Variants in UXS1 observed in about 807,000 individuals in gnomAD.
UXS1 encodes UDP-glucuronate decarboxylase 1.
Under a neutral mutation model 62.6 loss-of-function variants are expected in UXS1, and 33 were observed. The ratio of observed to expected loss-of-function variants is 0.53; its 90% CI spans 0.40 to 0.70. The LOEUF (loss-of-function observed/expected upper bound fraction) is 0.70. Ranked by LOEUF, UXS1 falls within the 30% of genes least tolerant of loss-of-function variation. UXS1 has a pLI of 0.00. For missense variants in UXS1, 434 were observed against 556.3 expected (o/e 0.78, Z 2.21); for synonymous variants, 213 against 206.8 (o/e 1.03, Z -0.26).
At chr2:106,108,241 T>C (rs1455296826) in intron 10 of UXS1, among the ~76,000 whole-genome samples, 4 of 152,264 alleles carry the variant, frequency 2.6e-5, no homozygotes, top group Non-Finnish European at 5.9e-5. Context: ...TTGTAATTCA[T>C]GTGTGAAATA....
Position 106,096,603 on chromosome 2 carries a change from C to T in UXS1, c.1146+115G>A, listed in dbSNP as rs957204505. On this transcript the variant is annotated intron_variant, in intron 14 of 14. Transcript: ENST00000283148. ...GAAAACCCTCTATCTGCCTGGATGC[C>T]GAGCCCACCTTGCTCCTCCGGGGGC... 1.2e-4 allele frequency: 102 copies of T among 848,014 alleles called. 1 individual carries two copies. The highest frequency in any genetic ancestry group is 1.2e-4 in the Non-Finnish European group (66 of 565,734). The allele number at this position is 848,014 out of a possible 1,614,324, so 52.5% of individuals were successfully genotyped here.
chr2:106,187,969 C>T (rs553562004), intron 1 of UXS1, among the ~76,000 whole-genome samples: 2 of 152,116 alleles, frequency 1.3e-5, no homozygotes, highest in African/African-American at 2.4e-5. Context: ...CTCAAACTCC[C>T]GATCTCAGGT....
rs760281542 is a variant in UXS1 at position 106,094,362 on chromosome 2, G to A, written c.1147-205C>T. Among the ~76,000 whole-genome samples, 10 of 151,952 alleles carry A rather than the reference G, an allele frequency of 6.6e-5. No homozygotes were observed. In the East Asian group the frequency reaches 7.7e-4, roughly 12 times the overall value. Reference sequence around the variant, plus strand: ...GAGAAGCCAGAAGTCCTTCAGGGCCGCTTTCAGAATGTACTGTGGAGCTGA... The same window carrying A: ...GAGAAGCCAGAAGTCCTTCAGGGCCACTTTCAGAATGTACTGTGGAGCTGA... On this transcript the variant is annotated intron_variant, in intron 14 of 14. Coordinates refer to ENST00000283148, the MANE Select transcript of UXS1 (RefSeq NM_001253875.2).
chr2:106,138,738 G>A (rs920160607), intron 6 of UXS1: 23 of 985,314 alleles, frequency 2.3e-5, no homozygotes, highest in African/African-American at 1.7e-4. Context: ...CTGTCGAGAC[G>A]TTCAGTTAAG....
At chr2:106,178,536 G>A (rs931548585) in intron 1 of UXS1, among the ~76,000 whole-genome samples, 5 of 152,026 alleles carry the variant, frequency 3.3e-5, no homozygotes, top group Non-Finnish European at 7.4e-5. Flanking sequence ...ATATGTATGT[G>A]TCTGTAAATA....
At chr2:106,124,167 A>C (rs914673433) in intron 8 of UXS1, among the ~76,000 whole-genome samples, 25 of 152,208 alleles carry the variant, frequency 1.6e-4, no homozygotes, top group African/African-American at 4.6e-4. Context: ...GGAACCATTG[A>C]CTTAAATTCA....
At chr2:106,146,731 A>ACCACTGCACT (rs1463788932) in intron 5 of UXS1, among the ~76,000 whole-genome samples, 4 of 137,192 alleles carry the variant, frequency 2.9e-5, no homozygotes, top group Non-Finnish European at 6.1e-5. Flanking sequence ...AGTGGATCGT[A>ACCACTGCACT]CCACTGCACT....
chr2:106,178,054 G>GC (rs1362865810), intron 1 of UXS1, among the ~76,000 whole-genome samples: 5 of 152,282 alleles, frequency 3.3e-5, no homozygotes, highest in Admixed American at 6.5e-5. Flanking sequence ...TCCATCGCAG[G>GC]CGCTACTAAA....
intron 14 of UXS1, among the ~76,000 whole-genome samples, chr2:106,094,560 G>A (rs1237686593): frequency 6.6e-6 from 1 of 152,092 alleles, no homozygotes; most frequent in African/African-American, 2.4e-5. Flanking sequence ...GCGGGAAGAT[G>A]CTTTGGGAAG....
chr2:106,138,103 G>A (rs1162035316), intron 6 of UXS1: 1 of 895,584 alleles, frequency 1.1e-6, no homozygotes, highest in African/African-American at 1.8e-5. Context: ...AGGCTAAGAG[G>A]GAAGAAGTGT....
chr2:106,119,258 C>G (rs1323795902), intron 9 of UXS1, among the ~76,000 whole-genome samples: 1 of 152,306 alleles, frequency 6.6e-6, no homozygotes, highest in Non-Finnish European at 1.5e-5. Flanking sequence ...GCATGGTCTC[C>G]TCTTGCTCAC....
rs186615119 is a variant in UXS1 at position 106,190,692 on chromosome 2, G to A, written c.94+3456C>T. Among the ~76,000 whole-genome samples, 64 of 137,870 alleles carry A rather than the reference G, an allele frequency of 4.6e-4. No homozygotes were observed. The East Asian group carries it at 0.012, about 27-fold the overall frequency. 90.4% of individuals were successfully genotyped at this position (137,870 alleles called of 152,430 possible). ...CAAGAGGCCAAGGTTGCAGTGAGCC[G>A]AAATCACGCCACTGCACTCCAGCCT... is the stretch of plus-strand genomic sequence containing the variant. On this transcript the variant is annotated intron_variant, in intron 1 of 14. Transcript: ENST00000283148.
chr2:106,143,415 A>AAAG (rs1356394026), intron 6 of UXS1, among the ~76,000 whole-genome samples: 1 of 132,374 alleles, frequency 7.6e-6, no homozygotes, highest in East Asian at 2.2e-4. Context: ...TCTCAAAAAA[A>AAAG]AAAAAAAAAA....
chr2:106,117,553 G>A (rs938334539), intron 9 of UXS1, among the ~76,000 whole-genome samples: 1 of 152,124 alleles, frequency 6.6e-6, no homozygotes, highest in East Asian at 1.9e-4. Flanking sequence ...CACTATATTC[G>A]CTGACGGAAG....
chr2:106,158,442 C>T (rs1682631680), intron 4 of UXS1, among the ~76,000 whole-genome samples: 2 of 152,196 alleles, frequency 1.3e-5, no homozygotes, highest in African/African-American at 2.4e-5. Context: ...AAAACCACAC[C>T]ATGAGGGAGA....
chr2:106,190,743 CAAAA>C (rs35043298), intron 1 of UXS1, among the ~76,000 whole-genome samples: 1 of 124,886 alleles, frequency 8.0e-6, no homozygotes, highest in Non-Finnish European at 1.6e-5. Flanking sequence ...AACTCTGTAT[CAAAA>C]AAAAAAAAAA....
At chr2:106,155,441 A>G (rs1682354956) in intron 5 of UXS1, among the ~76,000 whole-genome samples, 1 of 152,256 alleles carries the variant, frequency 6.6e-6, no homozygotes, top group African/African-American at 2.4e-5. Flanking sequence ...ATAGGAAATT[A>G]GTTAATTACA....
At chr2:106,187,742 CTT>C (rs1342715749) in intron 1 of UXS1, among the ~76,000 whole-genome samples, 44 of 139,356 alleles carry the variant, frequency 3.2e-4, no homozygotes, top group Admixed American at 5.8e-4. Flanking sequence ...CTGTAATTTC[CTT>C]TTTTTTTTTT....
chr2:106,145,876 T>C (rs1175438047), intron 5 of UXS1, among the ~76,000 whole-genome samples: 1 of 152,212 alleles, frequency 6.6e-6, no homozygotes, highest in African/African-American at 2.4e-5. Context: ...AAATTGTTTA[T>C]GAGAACAAAT....
Sources: gnomAD v4.1 joint callset for allele counts (sites outside exome capture counted in the v4.1 genomes callset) on GRCh38, gnomAD v4.1.1 for gene constraint, MANE v1.5 for transcripts, NCBI Gene and HGNC (gene_info 2026-07-23, HGNC 2026-07-21) for gene names.